The following CTNNA3 variants were observed in gnomAD, a reference collection of about 807,000 sequenced individuals.
CTNNA3 encodes the protein catenin alpha 3.
Under a neutral mutation model 95.7 loss-of-function variants are expected in CTNNA3, and 76 were observed. The ratio of observed to expected loss-of-function variants is 0.79; its 90% CI spans 0.66 to 0.96. The LOEUF (loss-of-function observed/expected upper bound fraction) is 0.96. Ranked by LOEUF, CTNNA3 falls within the 40% of genes least tolerant of loss-of-function variation. CTNNA3 has a pLI of 0.00. For missense variants in CTNNA3, 1,191 were observed against 1,089.8 expected, an observed-to-expected ratio of 1.09 and a Z score of -1.31; for synonymous variants, 431 against 374.4, an observed-to-expected ratio of 1.15 and a Z score of -1.74.
intron 8 of CTNNA3, among the ~76,000 whole-genome samples, chr10:66,767,345 C>G (rs1216457334): frequency 6.6e-6 from 1 of 151,464 alleles, no homozygotes; most frequent in Non-Finnish European, 1.5e-5. Context: ...ACTTGGGTGG[C>G]TGAGGCAGGA....
At chr10:67,526,459 A>G (rs1840149277) in intron 4 of CTNNA3, among the ~76,000 whole-genome samples, 1 of 151,954 alleles carries the variant, frequency 6.6e-6, no homozygotes, top group Admixed American at 6.6e-5. Flanking sequence ...GTGAAGGCAC[A>G]CTGGCCTTGA....
intron 13 of CTNNA3, among the ~76,000 whole-genome samples, chr10:66,135,283 T>C (rs2083293587): frequency 1.3e-5 from 2 of 152,250 alleles, no homozygotes; most frequent in African/African-American, 4.8e-5. Context: ...TAAGGTAATG[T>C]GTGCAATGAA....
intron 7 of CTNNA3, among the ~76,000 whole-genome samples, chr10:66,983,146 A>C (rs1411346822): frequency 6.6e-6 from 1 of 152,142 alleles, no homozygotes; most frequent in Admixed American, 6.5e-5. Context: ...CTAATGAGCA[A>C]ATTTTTTTAT....
chr10:67,536,380 C>T (rs78553538), intron 4 of CTNNA3, among the ~76,000 whole-genome samples: 2,509 of 152,134 alleles, frequency 0.016, 74 homozygotes, highest in African/African-American at 0.055. Context: ...TTAGAAGTGT[C>T]CAAAATCAGC....
intron 1 of CTNNA3, among the ~76,000 whole-genome samples, chr10:67,679,361 C>A (rs1412193947): frequency 1.3e-5 from 2 of 152,098 alleles, no homozygotes; most frequent in African/African-American, 2.4e-5. Context: ...AGCAAAAGCA[C>A]CCTGAGTTGA....
intron 7 of CTNNA3, among the ~76,000 whole-genome samples, chr10:66,943,492 C>T (rs974833866): frequency 2.0e-4 from 29 of 144,500 alleles, no homozygotes; most frequent in African/African-American, 7.0e-4. Context: ...CTATCTACAT[C>T]CTGATCCCAA....
intron 17 of CTNNA3, among the ~76,000 whole-genome samples, chr10:65,963,325 C>T (rs1378207288): frequency 6.6e-6 from 1 of 152,146 alleles, no homozygotes; most frequent in African/African-American, 2.4e-5. Flanking sequence ...AATCAGACTG[C>T]CCACCATGTC....
intron 12 of CTNNA3, among the ~76,000 whole-genome samples, chr10:66,317,876 A>C (rs1484016952): frequency 6.6e-6 from 1 of 152,020 alleles, no homozygotes. Context: ...TCGTTAACTA[A>C]ATCAATAACA....
chr10:66,961,624 A>G (rs1849112763), intron 7 of CTNNA3, among the ~76,000 whole-genome samples: 1 of 152,100 alleles, frequency 6.6e-6, no homozygotes, highest in African/African-American at 2.4e-5. Context: ...CTACTGATAT[A>G]GACAAATCAA....
chr10:66,137,820 C>T (rs1055611243), intron 13 of CTNNA3, among the ~76,000 whole-genome samples: 1 of 151,888 alleles, frequency 6.6e-6, no homozygotes, highest in African/African-American at 2.4e-5. Context: ...CATGGTGGCA[C>T]GTCCCTGTGG....
chr10:67,671,758 G>A (rs61869468), intron 1 of CTNNA3, among the ~76,000 whole-genome samples: 26 of 151,272 alleles, frequency 1.7e-4, no homozygotes, highest in African/African-American at 2.9e-4. Context: ...CCAGTCTATC[G>A]TTGTTGGACA....
intron 1 of CTNNA3, among the ~76,000 whole-genome samples, chr10:67,763,274 A>T (rs200015570): frequency 0.13 from 1,827 of 13,732 alleles, 39 homozygotes; most frequent in African/African-American, 0.17. Context: ...GCCAAAATTT[A>T]AAAAAAAAAA....
chr10:66,652,420 T>C (rs1470039128), intron 9 of CTNNA3, among the ~76,000 whole-genome samples: 1 of 151,964 alleles, frequency 6.6e-6, no homozygotes, highest in East Asian at 1.9e-4. Context: ...TCTAGAGATA[T>C]CACCCACCCA....
At chr10:66,173,497 C>A (rs1021687383) in intron 13 of CTNNA3, among the ~76,000 whole-genome samples, 9 of 151,786 alleles carry the variant, frequency 5.9e-5, no homozygotes, top group African/African-American at 9.7e-5. Flanking sequence ...CCAGCCTGGG[C>A]AAGATAATGA....
At chr10:67,035,032 C>T (rs928933485) in intron 7 of CTNNA3, among the ~76,000 whole-genome samples, 1 of 152,164 alleles carries the variant, frequency 6.6e-6, no homozygotes, top group South Asian at 2.1e-4. Context: ...TTGAGGTCAC[C>T]AGTTAGAAGT....
intron 5 of CTNNA3, among the ~76,000 whole-genome samples, chr10:67,427,112 T>G (rs1194009436): frequency 6.6e-6 from 1 of 152,080 alleles, no homozygotes; most frequent in Non-Finnish European, 1.5e-5. Flanking sequence ...TCATTAATGA[T>G]TCTATCTGAT....
At chr10:67,581,588 A>G (rs947229420) in intron 3 of CTNNA3, among the ~76,000 whole-genome samples, 73 of 152,320 alleles carry the variant, frequency 4.8e-4, no homozygotes, top group African/African-American at 1.7e-3. Context: ...TGAGTTAGGG[A>G]GGATTCCCTC....
intron 11 of CTNNA3, among the ~76,000 whole-genome samples, chr10:66,400,934 G>A (rs987712525): frequency 6.6e-6 from 1 of 152,082 alleles, no homozygotes; most frequent in East Asian, 1.9e-4. Context: ...CCTACTGTCT[G>A]ATAAGTACTG....
intron 7 of CTNNA3, among the ~76,000 whole-genome samples, chr10:66,821,179 A>G (rs1842293407): frequency 6.6e-6 from 1 of 152,198 alleles, no homozygotes; most frequent in African/African-American, 2.4e-5. Context: ...TTTTGTGATT[A>G]TGACGTATTT....
Sources: allele counts gnomAD v4.1 joint callset (sites outside exome capture counted in the v4.1 genomes callset), GRCh38; gene constraint gnomAD v4.1.1; transcripts MANE v1.5; gene names NCBI Gene and HGNC (gene_info 2026-07-23, HGNC 2026-07-21).